Variants in TRMT2A observed in about 807,000 individuals in gnomAD.
TRMT2A encodes tRNA methyltransferase 2A.
Under a neutral mutation model 59.3 loss-of-function variants are expected in TRMT2A, and 60 were observed. That is an observed-to-expected ratio of 1.01 (90% CI 0.82 to 1.26). TRMT2A has a LOEUF of 1.26. Ranked by LOEUF, TRMT2A falls within the 50% of genes most tolerant of loss-of-function variation. TRMT2A has a pLI of 0.00. For missense variants in TRMT2A, 863 were observed against 845.2 expected, an observed-to-expected ratio of 1.02 and a Z score of -0.26; for synonymous variants, 403 against 353.7, an observed-to-expected ratio of 1.14 and a Z score of -1.56.
At chr22:20,115,493 G>A in intron 3 of TRMT2A, 46 bp from the exon 4 acceptor site, 1 of 1,583,762 alleles carries the variant, frequency 6.3e-7, no homozygotes, top group Non-Finnish European at 8.6e-7. Context: ...CCCAGCGCTT[G>A]GGCCTGGAAA....
chr22:20,113,235 C>CTTCA lies in TRMT2A; in HGVS notation c.1433-2_1433-1insTGAA. The CTTCA allele has an allele frequency of 2.6e-6, 4 of 1,550,306 alleles. No individual in the cohort carries two copies. Among genetic ancestry groups the CTTCA allele is most frequent in the Non-Finnish European group, 2.6e-6 (3 of 1,149,440 alleles). On this transcript the variant is annotated splice_acceptor_variant, in intron 9 of 11. Coordinates refer to ENST00000252136, the MANE Select transcript of TRMT2A (RefSeq NM_022727.6). LOFTEE classifies it high-confidence loss of function. ...CAGTGGAACTCCACATTACTCAACT[C>CTTCA]TGAAGAGATGGCACCGTGGCCTGTC...
In TRMT2A at chr22:20,113,824, G is replaced by A. The variant is rs2049924019; in HGVS notation, c.1234-16C>T. ...GTGTGTTCACCTGGGGGCAGGCGGT[G>A]CCCAGGATGTCAGTGGCTCCTCTCC... On this transcript the variant is annotated splice_polypyrimidine_tract_variant and intron_variant, in intron 7 of 11. Transcript: ENST00000252136. 7.8e-6 allele frequency: 12 copies of A among 1,541,762 alleles called. No individual in the cohort carries two copies. Among genetic ancestry groups the A allele is most frequent in the African/African-American group, 1.4e-5 (1 of 73,188 alleles).
In TRMT2A at chr22:20,113,757, G is replaced by A. The variant is rs569636445; in HGVS notation, c.1285C>T (p.Gln429Ter). 6.2e-7 allele frequency: 1 copy of A among 1,609,666 alleles called. No individual in the cohort carries two copies. The highest frequency in any genetic ancestry group is 1.3e-5 in the African/African-American group (1 of 74,990). Residue 429 changes from glutamine to a stop codon, truncating the protein, a stop_gained, in exon 8 of 12, where the codon CAA becomes TAA. Coordinates refer to ENST00000252136, the MANE Select transcript of TRMT2A (RefSeq NM_022727.6). LOFTEE classifies it high-confidence loss of function. ...AGCACCATGCTCCCCGCATCCAATT[G>A]GGCCCAGTCCTGGATGACTGTGTAG... is the stretch of plus-strand genomic sequence containing the variant. ...VLYTVIQDWA[Q>*]LDAGSMVLDV...
At chr22:20,113,399 A>AGCC in intron 9 of TRMT2A, 33 bp downstream of exon 9, 4 of 713,628 alleles carry the variant, frequency 5.6e-6, no homozygotes, top group Non-Finnish European at 7.1e-6. Flanking sequence ...GGCTGCCCCC[A>AGCC]TCCCCACCCC....
intron 7 of TRMT2A, 80 bp from the exon 8 acceptor site, chr22:20,113,888 C>A: frequency 6.8e-7 from 1 of 1,461,110 alleles, no homozygotes; most frequent in South Asian, 1.4e-5. Context: ...CATTCCTGGT[C>A]CCTCCATCCT....
rs949520172 is a variant in TRMT2A at position 20,112,437 on chromosome 22, G to T, written c.*126C>A. On this transcript the variant is annotated 3_prime_UTR_variant, in exon 12 of 12. Coordinates refer to ENST00000252136, the MANE Select transcript of TRMT2A (RefSeq NM_022727.6). ...GGCCCCTAGCAGCAGGCCAATCCTG[G>T]TGGGGCACAGGGTTCTGTGCCCTTT... 3 of 1,263,274 alleles carry T rather than the reference G, an allele frequency of 2.4e-6. No homozygotes were observed. Among genetic ancestry groups the T allele is most frequent in the African/African-American group, 3.0e-5 (2 of 66,014 alleles). The allele number at this position is 1,263,274 out of a possible 1,614,324, so 78.3% of individuals were successfully genotyped here.
At position 20,117,024 on chromosome 22, in the gene TRMT2A, C is replaced by A; in HGVS notation, c.-118G>T. 1.5e-6 allele frequency: 2 copies of A among 1,356,354 alleles called. No individual in the cohort carries two copies. Among genetic ancestry groups the A allele is most frequent in the South Asian group, 2.6e-5 (2 of 76,090 alleles). 84.0% of individuals were successfully genotyped at this position (1,356,354 alleles called of 1,614,324 possible). ...AAGGGAAGTGCTCAGAGGGGAGGTG[C>A]TCACAGAGCCGGTGCAACGCCGCGA... On this transcript the variant is annotated 5_prime_UTR_variant, in exon 1 of 12. Coordinates refer to ENST00000252136, the MANE Select transcript of TRMT2A (RefSeq NM_022727.6).
chr22:20,114,350 C>T (rs945863772), intron 7 of TRMT2A, among the ~76,000 whole-genome samples: 4 of 152,182 alleles, frequency 2.6e-5, no homozygotes, highest in Non-Finnish European at 4.4e-5. Context: ...GAGGGCCACT[C>T]CTCATCCTCC....
rs1208983891 is a variant in TRMT2A at position 20,115,762 on chromosome 22, G to A, written c.618C>T (p.Asn206=). The A allele has an allele frequency of 6.2e-7, 1 of 1,609,586 alleles. No homozygotes were observed. The highest frequency in any genetic ancestry group is 1.1e-5 in the South Asian group (1 of 91,026). ...QKLAKEIGST[N]RALLPWLLEQ... ...CGAGCAGCCAGGGCAGCAAGGCACG[G>A]TTGGTGCTCCCGATTTCCCTGTAAG... Residue 206 remains asparagine (N), a synonymous_variant, in exon 3 of 12, where the codon AAC becomes AAT. Coordinates refer to ENST00000252136, the MANE Select transcript of TRMT2A (RefSeq NM_022727.6).
At position 20,115,031 on chromosome 22, in the gene TRMT2A, C is replaced by T; in HGVS notation, c.939G>A (p.Trp313Ter). The T allele has an allele frequency of 6.3e-7, 1 of 1,599,362 alleles. No individual in the cohort carries two copies. Among genetic ancestry groups the T allele is most frequent in the Non-Finnish European group, 8.5e-7 (1 of 1,175,790 alleles). Residue 313 changes from tryptophan to a stop codon, truncating the protein, a stop_gained, in exon 5 of 12, where the codon TGG (tryptophan) becomes TGA (stop). Transcript: ENST00000252136. LOFTEE classifies it high-confidence loss of function. ...GGCTGGTGCGCACAGTCAGCTGCTT[C>T]CAGTGGCCTGTGTACGTCTCTGGGT... is the stretch of plus-strand genomic sequence containing the variant. Reference protein sequence around the residue: ...AYDPETYTGHWKQLTVRTSRR... With the variant: ...AYDPETYTGH
At chr22:20,113,404 C>CCCCCCCCCCCCCCCCCTT in intron 9 of TRMT2A, 28 bp downstream of exon 9, 6 of 1,511,262 alleles carry the variant, frequency 4.0e-6, no homozygotes, top group Non-Finnish European at 5.4e-6. Flanking sequence ...CCCCCATCCC[C>CCCCCCCCCCCCCCCCCTT]ACCCCCACCC....
At chr22:20,112,883 C>G (rs1240932854) in intron 11 of TRMT2A, 28 bp downstream of exon 11, 7 of 1,612,336 alleles carry the variant, frequency 4.3e-6, no homozygotes, top group Non-Finnish European at 5.9e-6. Context: ...CAGGCCTAGC[C>G]CCCACCCAGG....
intron 9 of TRMT2A, 33 bp downstream of exon 9, chr22:20,113,399 A>ACCCCCCCCCC: frequency 2.8e-6 from 2 of 713,632 alleles, no homozygotes; most frequent in Non-Finnish European, 4.7e-6. Context: ...GGCTGCCCCC[A>ACCCCCCCCCC]TCCCCACCCC....
intron 4 of TRMT2A, 61 bp from the exon 5 acceptor site, chr22:20,115,140 T>C (rs542929329): frequency 2.6e-6 from 4 of 1,561,822 alleles, no homozygotes; most frequent in Non-Finnish European, 3.5e-6. Flanking sequence ...CCCTGCTCTC[T>C]CCTCTGGCCA....
rs2049879448 is a variant in TRMT2A, at chr22:20,112,685, A to G, written c.1756T>C (p.Phe586Leu). 1.2e-6 allele frequency: 2 copies of G among 1,613,904 alleles called. No individual in the cohort carries two copies. Among genetic ancestry groups the G allele is most frequent in the Admixed American group, 3.3e-5 (2 of 60,004 alleles). ...QTPHCEMLIL[F>L]ERVEHPNGTG... ...CCATTGGGGTGCTCCACCCTCTCAAACAGGATGAGCATCTCACAGTGCGGG... is the reference window on the plus strand; with the variant it reads ...CCATTGGGGTGCTCCACCCTCTCAAGCAGGATGAGCATCTCACAGTGCGGG... The change falls in exon 12 of 12, where the codon TTT (phenylalanine) becomes CTT (leucine). Residue 586 changes from phenylalanine to leucine, a missense_variant. Phe to Leu is a conservative substitution (Grantham distance 22). Transcript: ENST00000252136.
At position 20,117,154 on chromosome 22, in the gene TRMT2A, C is replaced by T; in HGVS notation, c.-248G>A. 1.8e-6 allele frequency: 1 copy of T among 556,248 alleles called. No homozygotes were observed. Among genetic ancestry groups the T allele is most frequent in the Non-Finnish European group, 3.0e-6 (1 of 333,858 alleles). The allele number at this position is 556,248 out of a possible 1,614,324, so 34.5% of individuals were successfully genotyped here. A position where few individuals can be genotyped will look rare whatever the true frequency, so the allele number is the denominator to read the frequency against. On this transcript the variant is annotated 5_prime_UTR_variant, in exon 1 of 12. Transcript: ENST00000252136. The stretch of plus-strand genomic sequence containing the variant: ...GGCTGTACCGCCCGCCCGCCAGGGG[C>T]CCGCGCCGGCCGCTCGCTTCGCCAG...
At chr22:20,113,390 G>T in intron 9 of TRMT2A, 42 bp downstream of exon 9, 1 of 1,561,260 alleles carries the variant, frequency 6.4e-7, no homozygotes, top group Non-Finnish European at 8.7e-7. Context: ...AGGGGTGGCG[G>T]CTGCCCCCAT....
At chr22:20,113,953 C>A in intron 7 of TRMT2A, 145 bp from the exon 8 acceptor site, 1 of 1,170,260 alleles carries the variant, frequency 8.5e-7, no homozygotes, top group Non-Finnish European at 1.2e-6. Context: ...TTCCCTGACC[C>A]CACCTTGGAC....
chr22:20,116,834 C>G, intron 1 of TRMT2A, 49 bp downstream of exon 1: 2 of 1,534,936 alleles, frequency 1.3e-6, no homozygotes, highest in Admixed American at 3.5e-5. Context: ...CCCACCCCGC[C>G]TCCTCCCACC....
Sources: gnomAD v4.1 joint callset for allele counts (sites outside exome capture counted in the v4.1 genomes callset) on GRCh38, gnomAD v4.1.1 for gene constraint, MANE v1.5 for transcripts, NCBI Gene and HGNC (gene_info 2026-07-23, HGNC 2026-07-21) for gene names.